The following CTIF variants were observed in gnomAD, a reference collection of about 807,000 sequenced individuals.
CTIF encodes the protein CBP80/20-dependent translation initiation factor.
CTIF carries 21 observed loss-of-function variants against 66.0 expected under a neutral mutation model. That is an observed-to-expected ratio of 0.32 (90% confidence interval 0.23 to 0.46). CTIF has a LOEUF of 0.46. Among genes scored for constraint, CTIF ranks in the 20% least tolerant of loss-of-function variants. The probability of loss-of-function intolerance (pLI) is 1.00; values close to 1 mark genes in which losing one functional copy is unlikely to be tolerated. For missense variants in CTIF, 739 were observed against 812.7 expected (o/e 0.91, Z 1.10); for synonymous variants, 345 against 326.4 (o/e 1.06, Z -0.62).
intron 6 of CTIF, among the ~76,000 whole-genome samples, chr18:48,705,342 A>G (rs889889622): frequency 3.9e-5 from 6 of 152,202 alleles, no homozygotes; most frequent in Non-Finnish European, 1.5e-5. Context: ...CTCCGTCTTC[A>G]CATGGCCTTC....
At position 48,663,323 on chromosome 18, in the gene CTIF, G is replaced by C. The variant is rs1049207930; in HGVS notation, c.253-429G>C. Among the ~76,000 whole-genome samples the C allele has an allele frequency of 4.6e-5, 7 of 152,160 alleles. No individual in the cohort carries two copies. The South Asian group carries it at 8.3e-4, about 18-fold the overall frequency. On this transcript the variant is annotated intron_variant, in intron 3 of 11. Coordinates refer to ENST00000256413, the MANE Select transcript of CTIF (RefSeq NM_014772.3). ...GTTGCTGGTGTAGCCTTGGTCGGTGGGGGCTTCTGGGGAGTAGGACTGAAC... is the reference window on the plus strand; with the variant it reads ...GTTGCTGGTGTAGCCTTGGTCGGTGCGGGCTTCTGGGGAGTAGGACTGAAC...
At chr18:48,659,027 T>C (rs945947420) in intron 3 of CTIF, among the ~76,000 whole-genome samples, 2 of 152,184 alleles carry the variant, frequency 1.3e-5, no homozygotes, top group Non-Finnish European at 2.9e-5. Context: ...CAGGTGAGAC[T>C]CTTCCTGCTC....
chr18:48,787,658 C>G (rs1399423626), intron 9 of CTIF, among the ~76,000 whole-genome samples: 1 of 152,196 alleles, frequency 6.6e-6, no homozygotes, highest in Non-Finnish European at 1.5e-5. Context: ...GAAGAAGAGG[C>G]AGGGTGTGTG....
rs2092488633 is a variant in CTIF, at chr18:48,735,090, T to TGTGC, written c.585-22826_585-22825insCGTG. On this transcript the variant is annotated intron_variant, in intron 7 of 11. Transcript: ENST00000256413. ...TGCATATGTGCATGTATGTCCAGTT[T>TGTGC]GTGTGCGTGTGTGTGTGTGTGTGTG... is the stretch of plus-strand genomic sequence containing the variant. Among the ~76,000 whole-genome samples, 9 of 135,378 alleles carry TGTGC rather than the reference T, an allele frequency of 6.6e-5. No homozygotes were observed. In the South Asian group the frequency reaches 2.1e-3, roughly 32 times the overall value. 88.8% of individuals were successfully genotyped at this position (135,378 alleles called of 152,430 possible).
At chr18:48,732,524 G>A (rs1346860975) in intron 7 of CTIF, among the ~76,000 whole-genome samples, 1 of 152,192 alleles carries the variant, frequency 6.6e-6, no homozygotes, top group Non-Finnish European at 1.5e-5. Context: ...CCCCCCTGGA[G>A]AAGCTGCTGC....
intron 6 of CTIF, among the ~76,000 whole-genome samples, chr18:48,687,482 A>G (rs2091860802): frequency 6.6e-6 from 1 of 152,096 alleles, no homozygotes; most frequent in African/African-American, 2.4e-5. Flanking sequence ...CCACCAGGGC[A>G]AAAGTGCTCT....
At chr18:48,687,347 CA>C (rs2091857154) in intron 6 of CTIF, among the ~76,000 whole-genome samples, 4 of 151,002 alleles carry the variant, frequency 2.6e-5, no homozygotes, top group Admixed American at 1.3e-4. Flanking sequence ...CACACACACA[CA>C]CACCAAGCTT....
At chr18:48,563,219 C>CAGCCTCCGACACCT (rs2089202433) in intron 1 of CTIF, among the ~76,000 whole-genome samples, 1 of 152,186 alleles carries the variant, frequency 6.6e-6, no homozygotes, top group African/African-American at 2.4e-5. Flanking sequence ...GGATGACACC[C>CAGCCTCCGACACCT]AGCCTCCTCC....
chr18:48,710,239 T>C (rs1042888511), intron 6 of CTIF, among the ~76,000 whole-genome samples: 1 of 152,226 alleles, frequency 6.6e-6, no homozygotes, highest in Non-Finnish European at 1.5e-5. Context: ...CTCTGGGCCT[T>C]GGGCTCCCTG....
At chr18:48,567,052 A>C (rs747232615) in intron 1 of CTIF, 1 of 152,238 alleles carries the variant, frequency 6.6e-6, no homozygotes, top group Non-Finnish European at 1.5e-5. Flanking sequence ...CAACTTATGT[A>C]CCTGGCTTTT....
At chr18:48,546,458 G>A (rs1006295615) in intron 1 of CTIF, among the ~76,000 whole-genome samples, 1 of 152,116 alleles carries the variant, frequency 6.6e-6, no homozygotes, top group Non-Finnish European at 1.5e-5. Flanking sequence ...GTACCACAGT[G>A]GAGTAAAAAT....
rs148900179 is a variant in CTIF, at chr18:48,601,314, G to A, written c.-28-18224G>A. ...GCTCTGTGAGGTAGATGTACTGACC[G>A]CATGTTTAGACACTGAGAATCAATT... On this transcript the variant is annotated intron_variant, in intron 1 of 11. Transcript: ENST00000256413. Among the ~76,000 whole-genome samples the A allele has an allele frequency of 3.9e-5, 6 of 152,318 alleles. No individual in the cohort carries two copies. The East Asian group carries it at 7.7e-4, about 20-fold the overall frequency.
chr18:48,631,472 GACAA>G (rs1289235122), intron 2 of CTIF, among the ~76,000 whole-genome samples: 1 of 152,128 alleles, frequency 6.6e-6, no homozygotes, highest in African/African-American at 2.4e-5. Context: ...TCAAAAACAA[GACAA>G]ACAAACAATA....
intron 9 of CTIF, among the ~76,000 whole-genome samples, chr18:48,792,966 T>C (rs1471451459): frequency 6.6e-6 from 1 of 152,172 alleles, no homozygotes; most frequent in Non-Finnish European, 1.5e-5. Context: ...GTGGTGCTAT[T>C]AGGTGGTATT....
intron 1 of CTIF, chr18:48,565,365 A>G (rs971761191): frequency 2.0e-5 from 3 of 152,188 alleles, no homozygotes; most frequent in African/African-American, 7.2e-5. Flanking sequence ...GTAGCCTTAA[A>G]TAACAGCACC....
intron 6 of CTIF, among the ~76,000 whole-genome samples, chr18:48,703,532 T>C (rs189165760): frequency 2.0e-5 from 3 of 152,326 alleles, no homozygotes; most frequent in Admixed American, 6.5e-5. Context: ...AAAGCTGCTG[T>C]ATGGGAGAGA....
rs938138023 is a variant in CTIF at position 48,862,508 on chromosome 18, G to A, written c.*2949G>A. 1 of 152,630 alleles carries A rather than the reference G, an allele frequency of 6.6e-6. No homozygotes were observed. The highest frequency in any genetic ancestry group is 2.1e-4 in the South Asian group (1 of 4,836). The allele number at this position is 152,630 out of a possible 1,614,324, so 9.5% of individuals were successfully genotyped here. ...CCCAACCTCACCCAGACGAGGCCAG[G>A]AGCCCCGCCACCCTCCACGGGATGT... On this transcript the variant is annotated 3_prime_UTR_variant, in exon 12 of 12. Coordinates refer to ENST00000256413, the MANE Select transcript of CTIF (RefSeq NM_014772.3).
chr18:48,706,448 C>G (rs2092155705), intron 6 of CTIF, among the ~76,000 whole-genome samples: 1 of 152,182 alleles, frequency 6.6e-6, no homozygotes, highest in Admixed American at 6.5e-5. Flanking sequence ...ACAATGCTTT[C>G]TGCTCACTGT....
chr18:48,612,279 G>A (rs2090321180), intron 1 of CTIF, among the ~76,000 whole-genome samples: 1 of 152,210 alleles, frequency 6.6e-6, no homozygotes, highest in Non-Finnish European at 1.5e-5. Context: ...AGGCTCCCAT[G>A]GCTTCCTCGG....
Sources: gnomAD v4.1 joint callset for allele counts (sites outside exome capture counted in the v4.1 genomes callset) on GRCh38, gnomAD v4.1.1 for gene constraint, MANE v1.5 for transcripts, NCBI Gene and HGNC (gene_info 2026-07-23, HGNC 2026-07-21) for gene names.